WAC: variants seen among roughly 807,000 people sequenced by gnomAD.
WAC encodes the protein WW domain containing adaptor with coiled-coil.
Under a neutral mutation model 79.6 loss-of-function variants are expected in WAC, and 11 were observed. The observed-to-expected ratio is 0.14, with a 90% CI of 0.09 to 0.23. The LOEUF is 0.23. Ranked by LOEUF, WAC falls within the 10% of genes least tolerant of loss-of-function variation. WAC has a pLI of 1.00. For synonymous variants in WAC, 304 were observed against 276.9 expected (o/e 1.10, Z -0.97); for missense variants, 728 against 773.5 (o/e 0.94, Z 0.70).
chr10:28,557,259 T>C (rs1838047787), intron 3 of WAC, among the ~76,000 whole-genome samples: 2 of 152,334 alleles, frequency 1.3e-5, no homozygotes, highest in African/African-American at 4.8e-5. Context: ...AGGCATAATT[T>C]AATGCATTTT....
At chr10:28,572,572 A>C (rs1201596445) in intron 3 of WAC, among the ~76,000 whole-genome samples, 1 of 151,932 alleles carries the variant, frequency 6.6e-6, no homozygotes, top group Non-Finnish European at 1.5e-5. Context: ...ACACTTTGGG[A>C]GGTGGAGGTG....
chr10:28,606,692 G>A (rs2132794201), intron 7 of WAC, among the ~76,000 whole-genome samples: 1 of 152,192 alleles, frequency 6.6e-6, no homozygotes, highest in African/African-American at 2.4e-5. Flanking sequence ...TAAAGAAATA[G>A]GTTGTTTCTA....
rs753383895 is a variant in WAC at position 28,611,388 on chromosome 10, A to G, written c.1289-386A>G. 1.6e-5 allele frequency: 21 copies of G among 1,300,400 alleles called. No homozygotes were observed. In the South Asian group the frequency reaches 2.1e-4, roughly 13 times the overall value. The allele number at this position is 1,300,400 out of a possible 1,614,324, so 80.6% of individuals were successfully genotyped here. A position where few individuals can be genotyped will look rare whatever the true frequency, so the allele number is the denominator to read the frequency against. ...TCTGGAATGGAAGTATAATGGTGCAAAGACTCTTGCAACCCTCTGGCTAGC... is the reference window on the plus strand; with the variant it reads ...TCTGGAATGGAAGTATAATGGTGCAGAGACTCTTGCAACCCTCTGGCTAGC... On this transcript the variant is annotated intron_variant, in intron 9 of 13. Transcript: ENST00000354911.
At chr10:28,579,203 G>A (rs1024480007) in intron 3 of WAC, among the ~76,000 whole-genome samples, 2 of 149,668 alleles carry the variant, frequency 1.3e-5, no homozygotes, top group African/African-American at 4.9e-5. Context: ...GTTAAATAGC[G>A]AGCTTTTCCT....
chr10:28,592,334 T>G (rs1840134884), intron 6 of WAC, among the ~76,000 whole-genome samples: 1 of 151,934 alleles, frequency 6.6e-6, no homozygotes, highest in Non-Finnish European at 1.5e-5. Flanking sequence ...AGAAAATGAG[T>G]GACAGATGGC....
chr10:28,577,008 G>A (rs1333987485), intron 3 of WAC, among the ~76,000 whole-genome samples: 1 of 152,096 alleles, frequency 6.6e-6, no homozygotes, highest in Non-Finnish European at 1.5e-5. Flanking sequence ...CAAGTGCTTA[G>A]TAGCTATGTG....
chr10:28,560,542 T>C (rs2132481939), intron 3 of WAC, among the ~76,000 whole-genome samples: 1 of 152,204 alleles, frequency 6.6e-6, no homozygotes, highest in South Asian at 2.1e-4. Context: ...AGATGTTGAG[T>C]AGGCAAATAA....
intron 3 of WAC, among the ~76,000 whole-genome samples, chr10:28,541,508 T>G (rs1468617662): frequency 6.9e-6 from 1 of 145,126 alleles, no homozygotes; most frequent in Non-Finnish European, 1.5e-5. Flanking sequence ...CTCACCTCAT[T>G]GCAACCTCCA....
chr10:28,542,630 A>G (rs1837119465), intron 3 of WAC, among the ~76,000 whole-genome samples: 1 of 152,166 alleles, frequency 6.6e-6, no homozygotes, highest in Non-Finnish European at 1.5e-5. Context: ...TGGATGGAAG[A>G]TACCTGATAC....
In WAC at chr10:28,611,879, T is replaced by G. The variant is rs1841257188; in HGVS notation, c.1394T>G (p.Ile465Ser). The G allele has an allele frequency of 1.2e-6, 2 of 1,614,164 alleles. No homozygotes were observed. The highest frequency in any genetic ancestry group is 3.3e-5 in the Admixed American group (2 of 60,018). Residue 465 changes from isoleucine (I) to serine (S), a missense_variant, in exon 10 of 14, where the codon ATC becomes AGC. This residue lies in a region of WAC where 648 missense variants were observed against 661.5 expected (regional missense o/e 0.98). Transcript: ENST00000354911. ...ISTPQTNTVP[I>S]KPLISTPPVS... ...ACACCTCAAACTAACACAGTCCCTA[T>G]CAAACCTTTGATCAGTACTCCTCCT...
intron 3 of WAC, among the ~76,000 whole-genome samples, chr10:28,573,376 T>C (rs1839079899): frequency 1.3e-5 from 2 of 152,228 alleles, no homozygotes; most frequent in African/African-American, 2.4e-5. Flanking sequence ...ATATGTCATA[T>C]AAACTGATTA....
At position 28,596,799 on chromosome 10, in the gene WAC, A is replaced by G. The variant is rs540789261; in HGVS notation, c.919+758A>G. Among the ~76,000 whole-genome samples, 5 of 152,288 alleles carry G rather than the reference A, an allele frequency of 3.3e-5. No individual in the cohort carries two copies. In the East Asian group the frequency reaches 7.7e-4, roughly 24 times the overall value. On this transcript the variant is annotated intron_variant, in intron 7 of 13. Transcript: ENST00000354911. Reference sequence around the variant, plus strand: ...ATTAGCAGACCATTAGTAAGTGTTGATGCGCTTTTAAATGTGCTGTGGGTT... The same window carrying G: ...ATTAGCAGACCATTAGTAAGTGTTGGTGCGCTTTTAAATGTGCTGTGGGTT...
At chr10:28,547,871 GCATTTTAATTTTTTAATTA>G (rs1837441703) in intron 3 of WAC, among the ~76,000 whole-genome samples, 1 of 146,640 alleles carries the variant, frequency 6.8e-6, no homozygotes, top group Non-Finnish European at 1.5e-5. Flanking sequence ...TCTAATTAGT[GCATTTTAATTTTTTAATTA>G]CATTTTAATT....
chr10:28,554,950 C>T (rs561024129), intron 3 of WAC, among the ~76,000 whole-genome samples: 12 of 152,256 alleles, frequency 7.9e-5, no homozygotes, highest in African/African-American at 2.9e-4. Context: ...TCTCAACCCC[C>T]AAGTCTAGGT....
Position 28,616,375 on chromosome 10 carries a change from C to T in WAC, c.1746+13C>T, listed in dbSNP as rs1183806960. 1.3e-6 allele frequency: 2 copies of T among 1,564,102 alleles called. No individual in the cohort carries two copies. The highest frequency in any genetic ancestry group is 1.7e-6 in the Non-Finnish European group (2 of 1,150,182). ...TGCAGAGAAGCAGGTATGTTATGTA[C>T]AGCCTAGATTTTACCTTTGGATGAT... On this transcript the variant is annotated intron_variant, in intron 12 of 13. Coordinates refer to ENST00000354911, the MANE Select transcript of WAC (RefSeq NM_016628.5).
chr10:28,541,223 C>T (rs1312886733), intron 3 of WAC, among the ~76,000 whole-genome samples: 1 of 151,852 alleles, frequency 6.6e-6, no homozygotes, highest in East Asian at 1.9e-4. Flanking sequence ...TAATTTGTGT[C>T]TATTAAGCAT....
Position 28,621,314 on chromosome 10 carries a change from A to G in WAC, c.*1708A>G, listed in dbSNP as rs1554793128. 1 of 147,588 alleles carries G rather than the reference A, an allele frequency of 6.8e-6. No individual in the cohort carries two copies. The highest frequency in any genetic ancestry group is 1.5e-5 in the Non-Finnish European group (1 of 67,576). The allele number at this position is 147,588 out of a possible 1,614,324, so 9.1% of individuals were successfully genotyped here. A position where few individuals can be genotyped will look rare whatever the true frequency, so the allele number is the denominator to read the frequency against. On this transcript the variant is annotated 3_prime_UTR_variant, in exon 14 of 14. Transcript: ENST00000354911. ...TATGTTAGACATCAATGTCAATGTT[A>G]CTACATTCTCGGATGCTAACATAAA...
intron 13 of WAC, 170 bp downstream of exon 13, chr10:28,617,954 G>T: frequency 1.3e-6 from 1 of 755,236 alleles, no homozygotes. Flanking sequence ...GAAGGATAAA[G>T]CCTGTCGATT....
Position 28,595,830 on chromosome 10 carries a change from A to G in WAC, c.708A>G (p.Arg236=), listed in dbSNP as rs761057768. The change falls in exon 7 of 14, where the codon AGA becomes AGG. Residue 236 remains arginine, a synonymous_variant. Coordinates refer to ENST00000354911, the MANE Select transcript of WAC (RefSeq NM_016628.5). Reference sequence around the variant, plus strand: ...ATGACAGAGACTACAGACTGCCAAGAGCAGAGACTCACAGTAGTTCTACGC... The same window carrying G: ...ATGACAGAGACTACAGACTGCCAAGGGCAGAGACTCACAGTAGTTCTACGC... ...RHNDRDYRLP[R]AETHSSSTPV... is the part of the protein sequence containing the mutation. The G allele has an allele frequency of 6.2e-7, 1 of 1,614,156 alleles. No homozygotes were observed. Among genetic ancestry groups the G allele is most frequent in the South Asian group, 1.1e-5 (1 of 91,084 alleles).
Sources: allele counts gnomAD v4.1 joint callset (sites outside exome capture counted in the v4.1 genomes callset), GRCh38; gene constraint gnomAD v4.1.1; regional missense constraint gnomAD v4.1.1; transcripts MANE v1.5; gene names NCBI Gene and HGNC (gene_info 2026-07-23, HGNC 2026-07-21).